Variants in TRPM3 observed in about 807,000 individuals in gnomAD.
The protein encoded by TRPM3 is long transient receptor potential channel 3.
TRPM3 carries 77 observed loss-of-function variants against 181.2 expected under a neutral mutation model. The observed-to-expected ratio is 0.42, with a 90% CI of 0.35 to 0.51. TRPM3 has a LOEUF of 0.51. TRPM3 is among the 20% of genes least tolerant of loss of function. The pLI is 0.01. For synonymous variants in TRPM3, 745 were observed against 796.4 expected (o/e 0.94, Z 1.09); for missense variants, 1,759 against 2,196.7 (o/e 0.80, Z 3.98).
intron 1 of TRPM3, among the ~76,000 whole-genome samples, chr9:71,013,359 A>G (rs1031545378): frequency 2.0e-5 from 3 of 152,052 alleles, no homozygotes; most frequent in Non-Finnish European, 4.4e-5. Context: ...TTTTACAATT[A>G]CATCTATATA....
intron 8 of TRPM3, among the ~76,000 whole-genome samples, chr9:70,743,145 T>C (rs1190272462): frequency 6.6e-6 from 1 of 152,168 alleles, no homozygotes; most frequent in African/African-American, 2.4e-5. Context: ...TACATTTGGT[T>C]AGACTAGAGT....
At chr9:70,866,689 A>G (rs955882830) in intron 1 of TRPM3, among the ~76,000 whole-genome samples, 1 of 152,038 alleles carries the variant, frequency 6.6e-6, no homozygotes, top group African/African-American at 2.4e-5. Flanking sequence ...CTGGCCACTA[A>G]CAAGATATAT....
At chr9:70,855,458 C>T (rs2095361936) in intron 3 of TRPM3, among the ~76,000 whole-genome samples, 1 of 152,204 alleles carries the variant, frequency 6.6e-6, no homozygotes, top group Admixed American at 6.5e-5. Context: ...AAAGGAACTG[C>T]AGAACAATGA....
intron 9 of TRPM3, among the ~76,000 whole-genome samples, chr9:70,665,687 A>G (rs754196091): frequency 6.6e-6 from 1 of 152,170 alleles, no homozygotes; most frequent in Non-Finnish European, 1.5e-5. Flanking sequence ...AAACCATTCA[A>G]TTGGGCTATT....
At chr9:70,971,678 G>C (rs1223932701) in intron 1 of TRPM3, among the ~76,000 whole-genome samples, 1 of 152,142 alleles carries the variant, frequency 6.6e-6, no homozygotes, top group Non-Finnish European at 1.5e-5. Context: ...TTGGTTCTTA[G>C]GAACCAAAGA....
intron 1 of TRPM3, among the ~76,000 whole-genome samples, chr9:71,042,905 A>G (rs2058995376): frequency 6.6e-6 from 1 of 152,228 alleles, no homozygotes; most frequent in Non-Finnish European, 1.5e-5. Flanking sequence ...AAGTATAGGT[A>G]ATAAAATCAC....
intron 8 of TRPM3, among the ~76,000 whole-genome samples, chr9:70,759,891 G>A (rs933476312): frequency 6.6e-6 from 1 of 152,014 alleles, no homozygotes; most frequent in Admixed American, 6.6e-5. Flanking sequence ...TAGATGATGG[G>A]TTGATTGGTG....
At position 70,832,050 on chromosome 9, in the gene TRPM3, C is replaced by A. The variant is rs865952309; in HGVS notation, c.802-4032G>T. On this transcript the variant is annotated intron_variant, in intron 5 of 25. Coordinates refer to ENST00000677713, the MANE Select transcript of TRPM3 (RefSeq NM_001366145.2). Reference sequence around the variant, plus strand: ...CAAAATTAAAAATTAAAAAAAAAAACCAAACACCGCATATTCTCACTCATA... The same window carrying A: ...CAAAATTAAAAATTAAAAAAAAAAAACAAACACCGCATATTCTCACTCATA... Among the ~76,000 whole-genome samples, 247 of 108,160 alleles carry A rather than the reference C, an allele frequency of 2.3e-3. 2 individuals carry two copies. The highest frequency in any genetic ancestry group is 8.2e-3 in the African/African-American group (223 of 27,106). 71.0% of individuals were successfully genotyped at this position (108,160 alleles called of 152,430 possible).
intron 17 of TRPM3, among the ~76,000 whole-genome samples, chr9:70,617,981 A>G (rs1255644097): frequency 1.3e-5 from 2 of 152,188 alleles, no homozygotes; most frequent in East Asian, 3.8e-4. Flanking sequence ...AAAACAAAAC[A>G]AAACAAAAAC....
intron 1 of TRPM3, among the ~76,000 whole-genome samples, chr9:71,085,686 T>C (rs1017319236): frequency 6.6e-6 from 1 of 151,956 alleles, no homozygotes; most frequent in Middle Eastern, 3.2e-3. Context: ...TACTAAAAAG[T>C]CAACCAACAA....
chr9:71,084,887 G>A (rs2065016562), intron 1 of TRPM3, among the ~76,000 whole-genome samples: 1 of 152,004 alleles, frequency 6.6e-6, no homozygotes, highest in African/African-American at 2.4e-5. Context: ...TATGCTGCAA[G>A]TCTATAGTAA....
intron 1 of TRPM3, among the ~76,000 whole-genome samples, chr9:71,327,597 T>C (rs1395117549): frequency 6.6e-6 from 1 of 152,176 alleles, no homozygotes; most frequent in Non-Finnish European, 1.5e-5. Flanking sequence ...TAAAAAAGTA[T>C]ACAGTGAATG....
chr9:71,213,862 C>T (rs1363824593), intron 1 of TRPM3, among the ~76,000 whole-genome samples: 1 of 152,168 alleles, frequency 6.6e-6, no homozygotes, highest in Non-Finnish European at 1.5e-5. Context: ...GAATAACCTA[C>T]ATATTTTTTC....
chr9:71,079,453 T>G (rs1240102546), intron 1 of TRPM3, among the ~76,000 whole-genome samples: 1 of 151,990 alleles, frequency 6.6e-6, no homozygotes, highest in Non-Finnish European at 1.5e-5. Flanking sequence ...TCTCTGGAGG[T>G]GTGTGATCTC....
At chr9:70,664,786 G>A (rs899264522) in intron 9 of TRPM3, among the ~76,000 whole-genome samples, 2 of 151,562 alleles carry the variant, frequency 1.3e-5, no homozygotes, top group African/African-American at 2.4e-5. Context: ...AAGTAGCTGG[G>A]ATTACAGGAG....
At chr9:70,776,973 A>G (rs2081479880) in intron 7 of TRPM3, among the ~76,000 whole-genome samples, 1 of 152,158 alleles carries the variant, frequency 6.6e-6, no homozygotes, top group African/African-American at 2.4e-5. Flanking sequence ...GATCTCCCAA[A>G]GCTCTCTAGG....
chr9:70,761,862 T>G (rs1194188840), intron 7 of TRPM3, 138 bp from the exon 8 acceptor site: 3 of 1,008,716 alleles, frequency 3.0e-6, no homozygotes, highest in Admixed American at 3.3e-5. Context: ...TCACAAAAGG[T>G]ATCCCGCCTG....
intron 9 of TRPM3, among the ~76,000 whole-genome samples, chr9:70,655,912 TA>T (rs1429246082): frequency 2.0e-5 from 3 of 152,194 alleles, no homozygotes; most frequent in African/African-American, 7.2e-5. Context: ...TTGGCATGCC[TA>T]ATACCTCTAT....
At chr9:71,326,141 A>T (rs1231449708) in intron 1 of TRPM3, among the ~76,000 whole-genome samples, 1 of 152,238 alleles carries the variant, frequency 6.6e-6, no homozygotes, top group African/African-American at 2.4e-5. Flanking sequence ...AAGCCTATTT[A>T]ACCTAAGATT....
Sources: allele counts gnomAD v4.1 joint callset (sites outside exome capture counted in the v4.1 genomes callset), GRCh38; gene constraint gnomAD v4.1.1; transcripts MANE v1.5; gene names NCBI Gene and HGNC (gene_info 2026-07-23, HGNC 2026-07-21).